INF2: variants seen among roughly 807,000 people sequenced by gnomAD.
The protein encoded by INF2 is inverted formin-2.
A neutral mutation model predicts 123.5 loss-of-function variants in INF2; 43 were observed. That is an observed-to-expected ratio of 0.35 (90% confidence interval 0.27 to 0.45). The LOEUF is 0.45. INF2 is among the 20% of genes least tolerant of loss of function. The pLI is 1.00. For synonymous variants in INF2, 851 were observed against 745.0 expected (o/e 1.14, Z -2.32); for missense variants, 1,453 against 1,682.7 (o/e 0.86, Z 2.39).
intron 22 of INF2, chr14:104,715,810 G>C (rs549427703): frequency 2.2e-4 from 100 of 463,474 alleles, no homozygotes; most frequent in Non-Finnish European, 4.1e-4. Flanking sequence ...AATGGCGTGG[G>C]GCCTTCTGGG....
At position 104,713,094 on chromosome 14, in the gene INF2, GAC is replaced by G. The variant is rs1890128909; in HGVS notation, c.2775+106_2775+107del. On this transcript the variant is annotated intron_variant, in intron 18 of 22. Transcript: ENST00000392634. ...GGGCAGAGGCACCTTTCGTCGGGCC[GAC>G]ACAGCCATGTGGGCCCTGCGCTGCT... 3.1e-6 allele frequency: 5 copies of G among 1,606,956 alleles called. No homozygotes were observed. In the African/African-American group the frequency reaches 4.0e-5, roughly 13 times the overall value.
chr14:104,695,709 A>G (rs1467887496), intron 1 of INF2, among the ~76,000 whole-genome samples: 1 of 149,090 alleles, frequency 6.7e-6, no homozygotes, highest in African/African-American at 2.5e-5. Flanking sequence ...ACCCAGGAAG[A>G]TGTACCTTCC....
At chr14:104,715,709 C>T (rs1490456122) in intron 22 of INF2, 1 of 529,818 alleles carries the variant, frequency 1.9e-6, no homozygotes, top group Non-Finnish European at 3.6e-6. Context: ...TTGCTCCTGT[C>T]TGGTGTCCTG....
In INF2 at chr14:104,709,373, A is replaced by G; in HGVS notation, c.2042A>G (p.Glu681Gly). ...VLKQLLKLLP[E>G]KHEIENLRAF... Reference sequence around the variant, plus strand: ...AAACAACTCCTTAAGCTCCTTCCCGAGAAGCACGAGGTAAGAGGACCACCC... The same window carrying G: ...AAACAACTCCTTAAGCTCCTTCCCGGGAAGCACGAGGTAAGAGGACCACCC... Residue 681 changes from glutamate to glycine, a missense_variant, in exon 11 of 23, where the codon GAG (glutamate) becomes GGG (glycine). Around this residue, in one of 8 missense-constraint regions of INF2, gnomAD observed 192 missense variants for 274.4 expected, o/e 0.70. Transcript: ENST00000392634. 1.2e-6 allele frequency: 2 copies of G among 1,612,474 alleles called. No individual in the cohort carries two copies. Among genetic ancestry groups the G allele is most frequent in the Non-Finnish European group, 8.5e-7 (1 of 1,179,384 alleles).
chr14:104,704,050 C>T, intron 5 of INF2, 101 bp downstream of exon 5: 1 of 1,581,896 alleles, frequency 6.3e-7, no homozygotes, highest in Non-Finnish European at 8.5e-7. Context: ...AGCAGCACCT[C>T]CAGATGGCAG....
intron 22 of INF2, among the ~76,000 whole-genome samples, chr14:104,717,378 G>A (rs772226046): frequency 4.7e-5 from 7 of 150,320 alleles, no homozygotes; most frequent in Admixed American, 2.0e-4. Context: ...AGTCCCCCCC[G>A]GGCAGGGTCC....
rs909488815 is a variant in INF2 at position 104,699,056 on chromosome 14, G to A, written c.-9-2301G>A. ...CTTTCAGGGGCTTGCACAGGGCAAG[G>A]AGCGCTGGGCAGTGCCAAGAGGGGC... On this transcript the variant is annotated intron_variant, in intron 1 of 22. Coordinates refer to ENST00000392634, the MANE Select transcript of INF2 (RefSeq NM_022489.4). The surrounding 1 kb of genome is among the most constrained non-coding windows in gnomAD (Gnocchi z 4.7). Among the ~76,000 whole-genome samples, 14 of 152,180 alleles carry A rather than the reference G, an allele frequency of 9.2e-5. No individual in the cohort carries two copies. The highest frequency in any genetic ancestry group is 1.0e-4 in the Non-Finnish European group (7 of 68,024).
intron 13 of INF2, among the ~76,000 whole-genome samples, chr14:104,710,519 A>T (rs1890001214): frequency 1.3e-5 from 2 of 151,848 alleles, no homozygotes; most frequent in South Asian, 4.2e-4. Context: ...GGGCACGTGC[A>T]CACACACAAG....
chr14:104,701,240 G>A (rs1440085082), intron 1 of INF2, 117 bp from the exon 2 acceptor site: 1 of 1,183,326 alleles, frequency 8.5e-7, no homozygotes. Flanking sequence ...CATGGCACGT[G>A]AGCAGGAATT....
chr14:104,718,723 C>A (rs1890433565), intron 22 of INF2, 72 bp from the exon 23 acceptor site: 1 of 1,584,490 alleles, frequency 6.3e-7, no homozygotes, highest in Non-Finnish European at 8.6e-7. Flanking sequence ...ACCTGGGCAC[C>A]CAGAAGCGGG....
intron 8 of INF2, 159 bp from the exon 9 acceptor site, chr14:104,708,277 C>T: frequency 1.0e-6 from 1 of 973,534 alleles, no homozygotes; most frequent in Non-Finnish European, 1.5e-6. Flanking sequence ...TACAGGTGCT[C>T]AGGTAGGGAG....
Position 104,707,781 on chromosome 14 carries a change from C to A in INF2, c.1514C>A (p.Pro505His). The change falls in exon 8 of 23, where the codon CCC becomes CAC. Residue 505 changes from proline to histidine, a missense_variant. Pro to His is a moderately conservative substitution (Grantham distance 77). Around this residue, in one of 8 missense-constraint regions of INF2, gnomAD observed 374 missense variants for 303.7 expected, o/e 1.23. Transcript: ENST00000392634. ...TTGGGATGCCCGCCCCCACCCCCACCCCTGCTGCCTGGTATGGGCTGGGGC... is the reference window on the plus strand; with the variant it reads ...TTGGGATGCCCGCCCCCACCCCCACACCTGCTGCCTGGTATGGGCTGGGGC... Reference protein sequence around the residue: ...PGLGCPPPPPPLLPGMGWGPP... With the variant: ...PGLGCPPPPPHLLPGMGWGPP... 3 of 1,417,406 alleles carry A rather than the reference C, an allele frequency of 2.1e-6. No homozygotes were observed. Among genetic ancestry groups the A allele is most frequent in the Non-Finnish European group, 1.9e-6 (2 of 1,034,420 alleles). The allele number at this position is 1,417,406 out of a possible 1,614,324, so 87.8% of individuals were successfully genotyped here.
At position 104,712,908 on chromosome 14, in the gene INF2, G is replaced by A. The variant is rs745412692; in HGVS notation, c.2691G>A (p.Leu897=). 2 of 1,612,726 alleles carry A rather than the reference G, an allele frequency of 1.2e-6. No homozygotes were observed. Among genetic ancestry groups the A allele is most frequent in the Non-Finnish European group, 1.7e-6 (2 of 1,179,808 alleles). The change falls in exon 18 of 23, where the codon CTG becomes CTA. Residue 897 remains leucine, a synonymous_variant. Coordinates refer to ENST00000392634, the MANE Select transcript of INF2 (RefSeq NM_022489.4). ...AGCAACGGGAGCTGGCCGACTACCT[G>A]TGTGAGGACGCCCAGCAGCTGTCCC... is the stretch of plus-strand genomic sequence containing the variant. ...EQKQRELADY[L]CEDAQQLSLE...
intron 2 of INF2, among the ~76,000 whole-genome samples, chr14:104,702,227 T>A (rs1889554029): frequency 6.6e-6 from 1 of 151,992 alleles, no homozygotes; most frequent in South Asian, 2.1e-4. Context: ...GGTGTCACCC[T>A]CCACCTCCCA....
Position 104,710,113 on chromosome 14 carries a change from C to A in INF2, c.2164C>A (p.Leu722Met). 6.4e-7 allele frequency: 1 copy of A among 1,552,878 alleles called. No individual in the cohort carries two copies. The highest frequency in any genetic ancestry group is 8.7e-7 in the Non-Finnish European group (1 of 1,148,684). Residue 722 changes from leucine (L) to methionine (M), a missense_variant, in exon 13 of 23, where the codon CTG becomes ATG. Around this residue, in one of 8 missense-constraint regions of INF2, gnomAD observed 192 missense variants for 274.4 expected, o/e 0.70. Transcript: ENST00000392634. ...PCYQLRIECMLLCEGAAAVLD... is the reference protein window; with the variant it reads ...PCYQLRIECMMLCEGAAAVLD... Reference sequence around the variant, plus strand: ...CTACCAGCTGCGAATCGAGTGCATGCTGCTGTGTGAGGGCGCGGCCGCCGT... The same window carrying A: ...CTACCAGCTGCGAATCGAGTGCATGATGCTGTGTGAGGGCGCGGCCGCCGT...
At chr14:104,686,132 GTGGATGGGTAGA>G (rs1042359965), upstream of INF2, among the ~76,000 whole-genome samples, 2 of 150,080 alleles carry the variant, frequency 1.3e-5, no homozygotes, top group Admixed American at 6.7e-5. Flanking sequence ...TGATGGGTAG[GTGGATGGGTAGA>G]TGGATGAAGG....
intron 2 of INF2, among the ~76,000 whole-genome samples, chr14:104,702,300 C>T (rs1014362842): frequency 2.6e-5 from 4 of 152,296 alleles, no homozygotes; most frequent in Non-Finnish European, 4.4e-5. Flanking sequence ...GGGACTCGTT[C>T]CCGGCAGGCA....
chr14:104,718,655 G>C, intron 22 of INF2, 140 bp from the exon 23 acceptor site: 2 of 1,455,810 alleles, frequency 1.4e-6, no homozygotes, highest in Non-Finnish European at 1.9e-6. Context: ...CCTGGGGTCA[G>C]AGTGGACCTG....
At chr14:104,688,289 G>A (rs959084291), upstream of INF2, among the ~76,000 whole-genome samples, 2 of 152,242 alleles carry the variant, frequency 1.3e-5, no homozygotes, top group Non-Finnish European at 2.9e-5. Context: ...GGGGCTGCTG[G>A]GCAGGGCAAG....
Sources: gnomAD v4.1 joint callset for allele counts (sites outside exome capture counted in the v4.1 genomes callset) on GRCh38, gnomAD v4.1.1 for gene constraint, gnomAD v4.1.1 regional missense constraint, Gnocchi (gnomAD v3.1) non-coding constraint, MANE v1.5 for transcripts, NCBI Gene and HGNC (gene_info 2026-07-23, HGNC 2026-07-21) for gene names.